Variants in DMD observed in about 807,000 individuals in gnomAD.
The protein encoded by DMD is mutant dystrophin.
DMD carries 63 observed loss-of-function variants against 330.1 expected under a neutral mutation model. The ratio of observed to expected loss-of-function variants is 0.19; its 90% CI spans 0.16 to 0.24. The LOEUF (loss-of-function observed/expected upper bound fraction) is 0.24. Among genes scored for constraint, DMD ranks in the 10% least tolerant of loss-of-function variants. The pLI is 1.00. For missense variants in DMD, 3,344 were observed against 2,684.1 expected (o/e 1.25, Z -5.43); for synonymous variants, 1,223 against 959.8 (o/e 1.27, Z -5.07).
intron 2 of DMD, among the ~76,000 whole-genome samples, chrX:33,008,774 C>T (rs982856128): frequency 2.5e-5 from 1 of 40,550 alleles, no homozygotes; most frequent in Non-Finnish European, 4.7e-5. Flanking sequence ...AGTCTTATAA[C>T]CTAAAACAAC....
intron 2 of DMD, among the ~76,000 whole-genome samples, chrX:32,896,669 G>A (rs2085749873): frequency 8.9e-6 from 1 of 112,207 alleles, no homozygotes; most frequent in South Asian, 3.7e-4. Flanking sequence ...GATGTTAAAT[G>A]TGCAACTATG....
chrX:33,281,307 C>A (rs1342341586), intron 1 of DMD, among the ~76,000 whole-genome samples: 1 of 107,233 alleles, frequency 9.3e-6, no homozygotes, highest in African/African-American at 3.4e-5. Context: ...CTCCCGGGTT[C>A]AAGAGACCCT....
At chrX:31,693,273 T>C (rs1194145993) in intron 52 of DMD, among the ~76,000 whole-genome samples, 1 of 111,294 alleles carries the variant, frequency 9.0e-6, no homozygotes, top group East Asian at 2.8e-4. Flanking sequence ...AGAAATGTTC[T>C]CCAAAAGAAT....
At chrX:32,516,149 T>A (rs1439492501) in intron 18 of DMD, among the ~76,000 whole-genome samples, 1 of 110,913 alleles carries the variant, frequency 9.0e-6, no homozygotes, top group Non-Finnish European at 1.9e-5. Context: ...CTGCCATGAG[T>A]TTAAAATAAC....
intron 13 of DMD, among the ~76,000 whole-genome samples, chrX:32,577,305 G>T (rs758825115): frequency 7.1e-5 from 8 of 111,955 alleles, no homozygotes; most frequent in Non-Finnish European, 1.5e-4. Context: ...TGAACTTCTG[G>T]CCCCCAGAAT....
intron 35 of DMD, 139 bp downstream of exon 35, chrX:32,364,880 AT>A (rs2097849007): frequency 4.1e-6 from 3 of 730,854 alleles, no homozygotes; most frequent in Non-Finnish European, 5.9e-6. Context: ...ATATATTAAA[AT>A]ATTGTTATAG....
intron 44 of DMD, among the ~76,000 whole-genome samples, chrX:32,201,483 C>T (rs1260257213): frequency 1.2e-5 from 1 of 84,738 alleles, no homozygotes; most frequent in Non-Finnish European, 2.4e-5. Context: ...CCCCCCCCCC[C>T]AACAAGGAGG....
chrX:32,164,608 G>A (rs2096861217), intron 44 of DMD, among the ~76,000 whole-genome samples: 1 of 111,805 alleles, frequency 8.9e-6, no homozygotes, highest in South Asian at 3.7e-4. Context: ...TGACAATGCA[G>A]TAGAAAAGAA....
chrX:32,709,473 G>T (rs1020945560), intron 7 of DMD, among the ~76,000 whole-genome samples: 2 of 111,670 alleles, frequency 1.8e-5, no homozygotes, highest in African/African-American at 6.5e-5. Context: ...TGTGTTAAAA[G>T]ACACTGCCTT....
At chrX:31,573,332 T>G (rs981940489) in intron 55 of DMD, among the ~76,000 whole-genome samples, 8 of 111,953 alleles carry the variant, frequency 7.1e-5, no homozygotes, top group African/African-American at 2.3e-4. Context: ...TCCTACTAAT[T>G]TTGTAGCTCT....
intron 45 of DMD, among the ~76,000 whole-genome samples, chrX:31,932,753 T>C (rs772898160): frequency 2.7e-4 from 30 of 110,636 alleles, no homozygotes; most frequent in African/African-American, 9.4e-4. Flanking sequence ...CTCAAATACA[T>C]ACATACATAC....
chrX:32,440,820 A>T (rs2098279005), intron 28 of DMD, among the ~76,000 whole-genome samples: 1 of 111,776 alleles, frequency 8.9e-6, no homozygotes, highest in African/African-American at 3.2e-5. Flanking sequence ...TGCAGCTTTT[A>T]AACTGGAAAT....
chrX:32,271,454 A>AT (rs1459242346), intron 43 of DMD, among the ~76,000 whole-genome samples: 39 of 112,854 alleles, frequency 3.5e-4, no homozygotes, highest in Admixed American at 3.3e-3. Context: ...GAACACTGAT[A>AT]TTTTCAAGAG....
intron 55 of DMD, among the ~76,000 whole-genome samples, chrX:31,567,884 C>T (rs896569394): frequency 4.5e-5 from 5 of 111,302 alleles, no homozygotes; most frequent in Non-Finnish European, 9.5e-5. Context: ...AGGAGAGAAA[C>T]CCTGAGCTTA....
chrX:32,971,359 T>C (rs747446108), intron 2 of DMD, among the ~76,000 whole-genome samples: 1 of 111,875 alleles, frequency 8.9e-6, no homozygotes, highest in South Asian at 3.7e-4. Flanking sequence ...CAACAAATGA[T>C]TTGACTGGAG....
intron 41 of DMD, among the ~76,000 whole-genome samples, chrX:32,315,457 A>G (rs1407696484): frequency 9.0e-6 from 1 of 110,885 alleles, no homozygotes; most frequent in Non-Finnish European, 1.9e-5. Flanking sequence ...CGGAACATGT[A>G]TACCTATGCA....
chrX:32,731,592 G>A lies in DMD; in HGVS notation c.650-32299C>T, dbSNP rs569558249. Among the ~76,000 whole-genome samples the A allele has an allele frequency of 1.2e-4, 14 of 112,335 alleles. No homozygotes were observed. The South Asian group carries it at 5.2e-3, about 42-fold the overall frequency. ...GAAGGGGCAGACTGCCTCCTCAAGTGGGTGCCTGACCCCTGACCCCCGAGC... is the reference window on the plus strand; with the variant it reads ...GAAGGGGCAGACTGCCTCCTCAAGTAGGTGCCTGACCCCTGACCCCCGAGC... On this transcript the variant is annotated intron_variant, in intron 7 of 78. Coordinates refer to ENST00000357033, the MANE Select transcript of DMD (RefSeq NM_004006.3).
Position 32,844,790 on chromosome X carries a change from T to C in DMD, c.257A>G (p.Asn86Ser). The C allele has an allele frequency of 3.3e-6, 4 of 1,208,278 alleles. No individual in the cohort carries two copies. The highest frequency in any genetic ancestry group is 3.0e-5 in the East Asian group (1 of 33,756). ...NVNKALRVLQ[N>S]NNVDLVNIGS... is the part of the protein sequence containing the mutation. ...GTCCAGGGTACTACTTACATTATTG[T>C]TCTGCAAAACCCGCAGTGCCTTGTT... Residue 86 changes from asparagine (N) to serine (S), a missense_variant, in exon 4 of 79, where the codon AAC becomes AGC. Transcript: ENST00000357033.
At chrX:31,126,240 G>C (rs746042787) in intron 78 of DMD, among the ~76,000 whole-genome samples, 101 of 111,816 alleles carry the variant, frequency 9.0e-4, no homozygotes, top group Middle Eastern at 4.6e-3. Context: ...AAAAACTAAG[G>C]GCGCTGGCAG....
Sources: allele counts gnomAD v4.1 joint callset (sites outside exome capture counted in the v4.1 genomes callset), GRCh38; gene constraint gnomAD v4.1.1; transcripts MANE v1.5; gene names NCBI Gene and HGNC (gene_info 2026-07-23, HGNC 2026-07-21).